The following BID variants were observed in gnomAD, a reference collection of about 807,000 sequenced individuals.
The protein encoded by BID is BH3 interacting domain death agonist.
Under a neutral mutation model 17.4 loss-of-function variants are expected in BID, and 19 were observed. That is an observed-to-expected ratio of 1.09 (90% CI 0.76 to 1.60). The LOEUF (loss-of-function observed/expected upper bound fraction) is 1.60, where lower values mean the gene tolerates loss of function less well. BID is among the 40% of genes most tolerant of loss of function. BID has a pLI of 0.00. For synonymous variants in BID, 108 were observed against 102.8 expected (o/e 1.05, Z -0.31); for missense variants, 226 against 256.0 (o/e 0.88, Z 0.80).
chr22:17,760,094 A>G (rs1312664754), intron 1 of BID, among the ~76,000 whole-genome samples: 1 of 143,628 alleles, frequency 7.0e-6, no homozygotes, highest in Non-Finnish European at 1.5e-5. Flanking sequence ...AGATTGCGCC[A>G]CTGCACTCCA....
At chr22:17,764,714 A>T (rs1391065776) in intron 1 of BID, among the ~76,000 whole-genome samples, 11 of 152,242 alleles carry the variant, frequency 7.2e-5, no homozygotes, top group Non-Finnish European at 1.3e-4. Context: ...AAAGGGGTAC[A>T]GTGACCCAGC....
chr22:17,752,997 C>T (rs1601856282), intron 1 of BID, among the ~76,000 whole-genome samples: 1 of 101,500 alleles, frequency 9.9e-6, no homozygotes, highest in African/African-American at 3.9e-5. Flanking sequence ...GATGGAGTCT[C>T]GCTCTGTCAC....
At chr22:17,748,839 C>A (rs2061515629) in intron 2 of BID, among the ~76,000 whole-genome samples, 2 of 152,240 alleles carry the variant, frequency 1.3e-5, no homozygotes, top group South Asian at 4.1e-4. Flanking sequence ...GGAACAGCAG[C>A]GGCAGGTGGG....
chr22:17,767,780 C>T lies in BID; in HGVS notation c.-59+6601G>A, dbSNP rs185347015. ...AGAGAAAACGGAGAAACAGCGTCCG[C>T]GAAGTGAAAAGTTCCATTGCTGCTT... On this transcript the variant is annotated intron_variant, in intron 1 of 5. Coordinates refer to ENST00000622694, the MANE Select transcript of BID (RefSeq NM_001196.4). 7.9e-5 allele frequency among the ~76,000 whole-genome samples: 12 copies of T among 152,200 alleles called. No individual in the cohort carries two copies. In the East Asian group the frequency reaches 9.6e-4, roughly 12 times the overall value.
chr22:17,735,503 C>T lies in BID; in HGVS notation c.*77G>A. ...TAGGAACGCTGTTGACATGCCAGGGCTCCGTCTACACTGGAAGCAGCTATA... is the reference window on the plus strand; with the variant it reads ...TAGGAACGCTGTTGACATGCCAGGGTTCCGTCTACACTGGAAGCAGCTATA... On this transcript the variant is annotated 3_prime_UTR_variant, in exon 6 of 6. Transcript: ENST00000622694. 1 of 1,563,330 alleles carries T rather than the reference C, an allele frequency of 6.4e-7. No homozygotes were observed. Among genetic ancestry groups the T allele is most frequent in the Non-Finnish European group, 8.8e-7 (1 of 1,134,508 alleles).
At chr22:17,744,756 G>A (rs969453707) in intron 2 of BID, among the ~76,000 whole-genome samples, 1 of 152,206 alleles carries the variant, frequency 6.6e-6, no homozygotes, top group Non-Finnish European at 1.5e-5. Context: ...TGTTCTTGGG[G>A]TACTGACTGT....
At chr22:17,749,226 AC>A (rs8190296) in intron 2 of BID, among the ~76,000 whole-genome samples, 2 of 152,118 alleles carry the variant, frequency 1.3e-5, no homozygotes. Flanking sequence ...GGGAGAGAGC[AC>A]CCGTGTGCTG....
In BID at chr22:17,773,939, G is replaced by A; in HGVS notation, c.-59+442C>T. On this transcript the variant is annotated intron_variant, in intron 1 of 5. Transcript: ENST00000622694. This position sits in a 1 kb window ranked among gnomAD's most constrained non-coding sequence, Gnocchi z 4.4. ...GAGCCGGCAGGTGTCTGCGGTGCTG[G>A]AAAGACCACGGTGTGGGCGGGGATT... 1 of 562,972 alleles carries A rather than the reference G, an allele frequency of 1.8e-6. No individual in the cohort carries two copies. The highest frequency in any genetic ancestry group is 3.2e-6 in the Non-Finnish European group (1 of 315,662). The allele number at this position is 562,972 out of a possible 1,614,324, so 34.9% of individuals were successfully genotyped here.
chr22:17,774,246 C>G (rs1024191499), intron 1 of BID, 135 bp downstream of exon 1: 2 of 151,434 alleles, frequency 1.3e-5, no homozygotes, highest in Non-Finnish European at 2.9e-5. Flanking sequence ...CCCCCCGCCT[C>G]CCCTCCTCTG....
At chr22:17,760,470 A>AAAAAAAAAAG (rs2061629923) in intron 1 of BID, among the ~76,000 whole-genome samples, 1 of 151,620 alleles carries the variant, frequency 6.6e-6, no homozygotes, top group Non-Finnish European at 1.5e-5. Flanking sequence ...AAAAAAAAAA[A>AAAAAAAAAAG]AAAAAAAGTT....
Position 17,769,879 on chromosome 22 carries a change from C to G in BID, c.-59+4502G>C, listed in dbSNP as rs536150635. On this transcript the variant is annotated intron_variant, in intron 1 of 5. Transcript: ENST00000622694. This position sits in a 1 kb window ranked among gnomAD's most constrained non-coding sequence, Gnocchi z 4.8. ...CAATACCAGGCCTGGTCACGTGGTGCCCCGCCAGGCTTGGGGGTGTGCACT... is the reference window on the plus strand; with the variant it reads ...CAATACCAGGCCTGGTCACGTGGTGGCCCGCCAGGCTTGGGGGTGTGCACT... 9.9e-5 allele frequency among the ~76,000 whole-genome samples: 15 copies of G among 152,214 alleles called. No individual in the cohort carries two copies. The highest frequency in any genetic ancestry group is 3.6e-4 in the African/African-American group (15 of 41,530).
At chr22:17,766,105 G>A (rs2061676460) in intron 1 of BID, among the ~76,000 whole-genome samples, 1 of 151,734 alleles carries the variant, frequency 6.6e-6, no homozygotes, top group Non-Finnish European at 1.5e-5. Context: ...TTTATTTTTT[G>A]TAGAGTCAAG....
In BID at chr22:17,735,444, T is replaced by TAGA. The variant is rs1471035037; in HGVS notation, c.*133_*135dup. On this transcript the variant is annotated 3_prime_UTR_variant, in exon 6 of 6. Transcript: ENST00000622694. ...TATAAGTTTAACATTGTCTTTAAAA[T>TAGA]AGAAGTCACAGCTATCTTCCAGCCT... 15 of 920,826 alleles carry TAGA rather than the reference T, an allele frequency of 1.6e-5. No homozygotes were observed. The highest frequency in any genetic ancestry group is 2.6e-5 in the East Asian group (1 of 38,894). 57.0% of individuals were successfully genotyped at this position (920,826 alleles called of 1,614,324 possible).
intron 1 of BID, among the ~76,000 whole-genome samples, chr22:17,753,257 C>T (rs2061555208): frequency 6.6e-6 from 1 of 152,304 alleles, no homozygotes; most frequent in African/African-American, 2.4e-5. Flanking sequence ...TGAACCACCG[C>T]GCCCAGCCCC....
chr22:17,760,632 C>T (rs1287743621), intron 1 of BID, among the ~76,000 whole-genome samples: 1 of 152,046 alleles, frequency 6.6e-6, no homozygotes, highest in African/African-American at 2.4e-5. Flanking sequence ...CCTCAGCAGC[C>T]CGTCGCACTC....
chr22:17,749,356 T>C (rs1205746305), intron 2 of BID, among the ~76,000 whole-genome samples: 1 of 152,206 alleles, frequency 6.6e-6, no homozygotes, highest in East Asian at 1.9e-4. Flanking sequence ...CTTTTATCTT[T>C]ATAAAGACGG....
At chr22:17,745,540 C>T (rs1418105450) in intron 2 of BID, among the ~76,000 whole-genome samples, 1 of 152,002 alleles carries the variant, frequency 6.6e-6, no homozygotes, top group African/African-American at 2.4e-5. Flanking sequence ...GTCCCAGCTA[C>T]TCATGAGACT....
intron 5 of BID, 82 bp downstream of exon 5, chr22:17,737,935 G>T: frequency 2.0e-6 from 3 of 1,474,146 alleles, no homozygotes. Context: ...TCAGAGGCAG[G>T]GGCCCCGCTG....
chr22:17,758,167 G>A (rs2061608229), intron 1 of BID, among the ~76,000 whole-genome samples: 1 of 152,188 alleles, frequency 6.6e-6, no homozygotes, highest in South Asian at 2.1e-4. Flanking sequence ...CCCTCAAAGA[G>A]CTTAAGTTCC....
Sources: gnomAD v4.1 joint callset for allele counts (sites outside exome capture counted in the v4.1 genomes callset) on GRCh38, gnomAD v4.1.1 for gene constraint, Gnocchi (gnomAD v3.1) non-coding constraint, MANE v1.5 for transcripts, NCBI Gene and HGNC (gene_info 2026-07-23, HGNC 2026-07-21) for gene names.